LRRC19: variants seen among roughly 807,000 people sequenced by gnomAD.
The protein encoded by LRRC19 is leucine-rich repeat-containing protein 19.
In LRRC19, 33 loss-of-function variants were observed where a neutral mutation model predicts 33.3. The ratio of observed to expected loss-of-function variants is 0.99; its 90% CI spans 0.75 to 1.33. LRRC19 has a LOEUF of 1.33. Among genes scored for constraint, LRRC19 ranks in the 40% most tolerant of loss-of-function variants. The pLI is 0.00. For synonymous variants in LRRC19, 184 were observed against 152.3 expected (o/e 1.21, Z -1.53); for missense variants, 463 against 417.3 (o/e 1.11, Z -0.95).
intron 1 of LRRC19, 29 bp from the exon 2 acceptor site, chr9:26,999,732 G>A: frequency 7.7e-7 from 1 of 1,300,590 alleles, no homozygotes; most frequent in Admixed American, 2.2e-5. Context: ...TTTTCATTAA[G>A]GACATTTTTA....
intron 1 of LRRC19, among the ~76,000 whole-genome samples, chr9:27,000,342 C>T (rs10967652): frequency 0.32 from 49,016 of 151,962 alleles, 9,298 homozygotes; most frequent in East Asian, 0.69. Context: ...TTCAGGAAAA[C>T]GTATATTTAT....
chr9:27,000,260 A>T (rs1184240226), intron 1 of LRRC19, among the ~76,000 whole-genome samples: 1 of 152,194 alleles, frequency 6.6e-6, no homozygotes, highest in Non-Finnish European at 1.5e-5. Flanking sequence ...TCTAGATCTC[A>T]TGAAAGGAGC....
At chr9:26,996,868 C>T (rs1037739120) in intron 3 of LRRC19, among the ~76,000 whole-genome samples, 2 of 152,126 alleles carry the variant, frequency 1.3e-5, no homozygotes, top group African/African-American at 4.8e-5. Context: ...GACATATTGA[C>T]TTTGCTAACA....
intron 1 of LRRC19, among the ~76,000 whole-genome samples, chr9:27,002,089 A>T (rs1271047396): frequency 6.6e-6 from 1 of 152,144 alleles, no homozygotes; most frequent in Admixed American, 6.6e-5. Flanking sequence ...CTAGAGAAGG[A>T]GGAAGAAAGA....
intron 3 of LRRC19, among the ~76,000 whole-genome samples, chr9:26,996,769 A>T (rs1162628388): frequency 6.6e-6 from 1 of 152,198 alleles, no homozygotes; most frequent in Non-Finnish European, 1.5e-5. Context: ...ACATGGTTAC[A>T]ATCTGGATCT....
At position 26,995,301 on chromosome 9, in the gene LRRC19, T is replaced by G; in HGVS notation, c.*220A>C. The G allele has an allele frequency of 2.3e-6, 1 of 444,300 alleles. No homozygotes were observed. 27.5% of individuals were successfully genotyped at this position (444,300 alleles called of 1,614,324 possible). A position where few individuals can be genotyped will look rare whatever the true frequency, so the allele number is the denominator to read the frequency against. ...ACTGCTAAGAATAGTAGTGCTAGTA[T>G]TGTAGACTATGTAACTGTCAACTAC... On this transcript the variant is annotated 3_prime_UTR_variant, in exon 5 of 5. Coordinates refer to ENST00000380055, the MANE Select transcript of LRRC19 (RefSeq NM_022901.3).
rs1828061145 is a variant in LRRC19, at chr9:26,994,839, T to A, written c.*682A>T. The stretch of plus-strand genomic sequence containing the variant: ...TTAAAACAAGATTTATAGATAATTG[T>A]GATGCCCACTTTGGAAGCCAGTATG... On this transcript the variant is annotated 3_prime_UTR_variant, in exon 5 of 5. Coordinates refer to ENST00000380055, the MANE Select transcript of LRRC19 (RefSeq NM_022901.3). 6.6e-6 allele frequency: 1 copy of A among 152,612 alleles called. No individual in the cohort carries two copies. Among genetic ancestry groups the A allele is most frequent in the Non-Finnish European group, 1.5e-5 (1 of 68,048 alleles). 9.5% of individuals were successfully genotyped at this position (152,612 alleles called of 1,614,324 possible).
intron 1 of LRRC19, among the ~76,000 whole-genome samples, chr9:27,000,746 G>A (rs138052920): frequency 2.0e-3 from 304 of 152,178 alleles, no homozygotes; most frequent in African/African-American, 6.9e-3. Context: ...CCTAGGTGAC[G>A]GGTTGATCTG....
chr9:26,996,600 T>C, intron 3 of LRRC19, 101 bp from the exon 4 acceptor site: 1 of 770,114 alleles, frequency 1.3e-6, no homozygotes, highest in Non-Finnish European at 1.8e-6. Context: ...TTGTCATTCT[T>C]AAAGGCATTA....
At chr9:26,995,910 A>G in intron 4 of LRRC19, 61 bp from the exon 5 acceptor site, 2 of 1,130,662 alleles carry the variant, frequency 1.8e-6, no homozygotes, top group Admixed American at 2.4e-5. Flanking sequence ...CAAAATAATC[A>G]TAATTATATA....
At chr9:27,002,194 C>G (rs1828535915) in intron 1 of LRRC19, among the ~76,000 whole-genome samples, 1 of 152,102 alleles carries the variant, frequency 6.6e-6, no homozygotes, top group African/African-American at 2.4e-5. Context: ...TGCAGTGATG[C>G]CATTTTGGCT....
At chr9:27,004,033 C>T (rs754018707) in intron 1 of LRRC19, among the ~76,000 whole-genome samples, 26 of 151,614 alleles carry the variant, frequency 1.7e-4, no homozygotes, top group Admixed American at 5.9e-4. Context: ...TGTTTTTTTT[C>T]CAGAAACAAA....
rs768213008 is a variant in LRRC19 at position 26,995,824 on chromosome 9, C to G, written c.810G>C (p.Trp270Cys). Residue 270 changes from tryptophan to cysteine, a missense_variant, in exon 5 of 5, where the codon TGG becomes TGC. By Grantham distance (215) the Trp-to-Cys change is radical. Coordinates refer to ENST00000380055, the MANE Select transcript of LRRC19 (RefSeq NM_022901.3). ...TGACAACAACACCAACAAGAAAAGC[C>G]CAACTTTTTCCAAGAGGTTCATGTT... ...NSEHEPLGKS[W>C]AFLVGVVVTV... is the part of the protein sequence containing the mutation. 6 of 1,602,934 alleles carry G rather than the reference C, an allele frequency of 3.7e-6. No individual in the cohort carries two copies. The highest frequency in any genetic ancestry group is 5.1e-6 in the Non-Finnish European group (6 of 1,174,140).
In LRRC19 at chr9:26,994,536, CAAAAAAAAAA is replaced by C. The variant is rs1170964624; in HGVS notation, c.*975_*984del. On this transcript the variant is annotated 3_prime_UTR_variant, in exon 5 of 5. Coordinates refer to ENST00000380055, the MANE Select transcript of LRRC19 (RefSeq NM_022901.3). The stretch of plus-strand genomic sequence containing the variant: ...TGGGAGACAGTGCGAGACTTTGTCT[CAAAAAAAAAA>C]AAAAAAAAAAGAAAAAGAATCTTGT... 2 of 58,322 alleles carry C rather than the reference CAAAAAAAAAA, an allele frequency of 3.4e-5. No homozygotes were observed. The highest frequency in any genetic ancestry group is 5.9e-4 in the East Asian group (1 of 1,682). 3.6% of individuals were successfully genotyped at this position (58,322 alleles called of 1,614,324 possible).
In LRRC19 at chr9:26,994,659, T is replaced by C. The variant is rs1169486917; in HGVS notation, c.*862A>G. On this transcript the variant is annotated 3_prime_UTR_variant, in exon 5 of 5. Transcript: ENST00000380055. ...CTGTAAATACTTGTGAATGTCTCTC[T>C]GGAAATTAGTATTCTAGAAAAACAA... 6.6e-6 allele frequency: 1 copy of C among 152,584 alleles called. No homozygotes were observed. The highest frequency in any genetic ancestry group is 1.9e-4 in the East Asian group (1 of 5,206). 9.5% of individuals were successfully genotyped at this position (152,584 alleles called of 1,614,324 possible).
chr9:27,002,661 T>C (rs1828563728), intron 1 of LRRC19, among the ~76,000 whole-genome samples: 1 of 152,222 alleles, frequency 6.6e-6, no homozygotes, highest in Admixed American at 6.5e-5. Context: ...TCTGTCTTGA[T>C]GCCAGTACCA....
At chr9:26,998,333 G>T in intron 2 of LRRC19, 92 bp from the exon 3 acceptor site, 1 of 771,790 alleles carries the variant, frequency 1.3e-6, no homozygotes, top group Non-Finnish European at 1.9e-6. Flanking sequence ...ACATTAGAAG[G>T]ACGTTATTTT....
Position 26,998,817 on chromosome 9 carries a change from C to T in LRRC19, c.82-576G>A, listed in dbSNP as rs575660033. Among the ~76,000 whole-genome samples the T allele has an allele frequency of 3.3e-3, 489 of 149,536 alleles. 4 individuals carry two copies. The highest frequency in any genetic ancestry group is 0.012 in the African/African-American group (473 of 40,352). The stretch of plus-strand genomic sequence containing the variant: ...TGTCCAACACAGTGAAACCCTGTCT[C>T]TACTGAAAATACAAAAAAAAAAAAA... On this transcript the variant is annotated intron_variant, in intron 2 of 4. Coordinates refer to ENST00000380055, the MANE Select transcript of LRRC19 (RefSeq NM_022901.3).
At position 26,997,947 on chromosome 9, in the gene LRRC19, A is replaced by G. The variant is rs138142690; in HGVS notation, c.376T>C (p.Leu126=). The G allele has an allele frequency of 1.2e-4, 188 of 1,613,928 alleles. No homozygotes were observed. Among genetic ancestry groups the G allele is most frequent in the African/African-American group, 1.1e-3 (79 of 75,006 alleles). The change falls in exon 3 of 5, where the codon TTA becomes CTA. Residue 126 remains leucine (L), a synonymous_variant. Coordinates refer to ENST00000380055, the MANE Select transcript of LRRC19 (RefSeq NM_022901.3). ...TCTATTTTGTTTTGGCAGAGATATA[A>G]CTGTTTTAGTTTATTTAAGCCTAAA... is the stretch of plus-strand genomic sequence containing the variant. ...AFLGLNKLKQ[L]YLCQNKIEQL...
Sources: gnomAD v4.1 joint callset for allele counts (sites outside exome capture counted in the v4.1 genomes callset) on GRCh38, gnomAD v4.1.1 for gene constraint, MANE v1.5 for transcripts, NCBI Gene and HGNC (gene_info 2026-07-23, HGNC 2026-07-21) for gene names.